Variants in RALGPS2 observed in about 807,000 individuals in gnomAD.
The protein encoded by RALGPS2 is ras-specific guanine nucleotide-releasing factor RalGPS2.
A neutral mutation model predicts 86.8 loss-of-function variants in RALGPS2; 43 were observed. That is an observed-to-expected ratio of 0.50 (90% CI 0.39 to 0.64). RALGPS2 has a LOEUF of 0.64. Among genes scored for constraint, RALGPS2 ranks in the 30% least tolerant of loss-of-function variants. The probability of loss-of-function intolerance (pLI) is 0.00; values close to 1 mark genes in which losing one functional copy is unlikely to be tolerated. For missense variants in RALGPS2, 536 were observed against 694.6 expected, an observed-to-expected ratio of 0.77 and a Z score of 2.57; for synonymous variants, 243 against 231.3, an observed-to-expected ratio of 1.05 and a Z score of -0.46.
chr1:178,869,318 G>C (rs2102347220), intron 8 of RALGPS2: 1 of 152,176 alleles, frequency 6.6e-6, no homozygotes, highest in South Asian at 2.1e-4. Context: ...ACTGAAAACA[G>C]CATGAGGCAA....
intron 15 of RALGPS2, among the ~76,000 whole-genome samples, chr1:178,892,572 G>C (rs1659762824): frequency 6.6e-6 from 1 of 151,990 alleles, no homozygotes; most frequent in Non-Finnish European, 1.5e-5. Context: ...CCTTTAAACT[G>C]CACCAGTCTT....
At chr1:178,755,418 A>G (rs1285386070) in intron 1 of RALGPS2, among the ~76,000 whole-genome samples, 3 of 152,134 alleles carry the variant, frequency 2.0e-5, no homozygotes, top group Non-Finnish European at 4.4e-5. Context: ...GCTCCCACTT[A>G]TAAGTGAGAA....
intron 8 of RALGPS2, among the ~76,000 whole-genome samples, chr1:178,873,946 T>A (rs937608381): frequency 1.3e-5 from 2 of 152,262 alleles, no homozygotes; most frequent in Non-Finnish European, 2.9e-5. Context: ...AGTGGTACGA[T>A]CTCGGCTCAC....
intron 1 of RALGPS2, among the ~76,000 whole-genome samples, chr1:178,736,416 C>G (rs911661953): frequency 6.6e-6 from 1 of 151,992 alleles, no homozygotes; most frequent in African/African-American, 2.4e-5. Context: ...GCCACCTCGG[C>G]CTCCCAAAAG....
intron 11 of RALGPS2, among the ~76,000 whole-genome samples, chr1:178,884,607 C>A (rs190780376): frequency 4.8e-4 from 73 of 152,156 alleles, no homozygotes; most frequent in Admixed American, 1.0e-3. Flanking sequence ...TTATAATATT[C>A]TTTTATTTAT....
rs1653554479 is a variant in RALGPS2 at position 178,784,533 on chromosome 1, T to C, written c.162+11T>C. 6.5e-7 allele frequency: 1 copy of C among 1,548,962 alleles called. No homozygotes were observed. The highest frequency in any genetic ancestry group is 8.8e-7 in the Non-Finnish European group (1 of 1,135,666). ...CCAGAAGAATATGCGGTAAGCCTCC[T>C]ACCTCTGTCTTCTCCGGTTTTGCAC... On this transcript the variant is annotated intron_variant, in intron 3 of 19. Transcript: ENST00000367635.
chr1:178,737,101 G>C (rs1486753708), intron 1 of RALGPS2, among the ~76,000 whole-genome samples: 2 of 151,978 alleles, frequency 1.3e-5, no homozygotes, highest in Admixed American at 1.3e-4. Context: ...ATCTAAAATG[G>C]CTTCAGTTGC....
chr1:178,816,405 T>A (rs1655231367), intron 6 of RALGPS2, among the ~76,000 whole-genome samples: 1 of 152,194 alleles, frequency 6.6e-6, no homozygotes, highest in Non-Finnish European at 1.5e-5. Flanking sequence ...TCCTTTCAAA[T>A]CTTTTACCCA....
intron 1 of RALGPS2, among the ~76,000 whole-genome samples, chr1:178,756,792 C>A (rs1351779112): frequency 2.0e-5 from 3 of 152,038 alleles, no homozygotes; most frequent in African/African-American, 2.4e-5. Context: ...TTACCACAGG[C>A]TATTTGGCCT....
At chr1:178,880,786 G>C (rs1303716826) in intron 10 of RALGPS2, among the ~76,000 whole-genome samples, 1 of 152,138 alleles carries the variant, frequency 6.6e-6, no homozygotes, top group African/African-American at 2.4e-5. Flanking sequence ...ACAGTTTATA[G>C]AGGATGGCAA....
intron 4 of RALGPS2, among the ~76,000 whole-genome samples, chr1:178,787,419 C>T (rs951484413): frequency 2.0e-5 from 3 of 152,148 alleles, no homozygotes; most frequent in Admixed American, 6.6e-5. Flanking sequence ...AAAATATTAT[C>T]GTTTCAACTT....
rs1432679108 is a variant in RALGPS2 at position 178,917,769 on chromosome 1, A to G, written c.*1410A>G. On this transcript the variant is annotated 3_prime_UTR_variant, in exon 20 of 20. Transcript: ENST00000367635. The stretch of plus-strand genomic sequence containing the variant: ...CCTTAGAATTTTAATGAAAAATGAC[A>G]CTCAAACAAAGGCTATATGTCGAAT... 1.3e-5 allele frequency: 2 copies of G among 152,150 alleles called. No homozygotes were observed. Among genetic ancestry groups the G allele is most frequent in the Non-Finnish European group, 2.9e-5 (2 of 68,000 alleles). 9.4% of individuals were successfully genotyped at this position (152,150 alleles called of 1,614,324 possible). A position where few individuals can be genotyped will look rare whatever the true frequency, so the allele number is the denominator to read the frequency against.
chr1:178,733,579 T>C (rs1346247989), intron 1 of RALGPS2, among the ~76,000 whole-genome samples: 2 of 152,244 alleles, frequency 1.3e-5, no homozygotes, highest in Non-Finnish European at 2.9e-5. Context: ...TTGGCAAGAA[T>C]GTAGAGCATT....
Position 178,784,535 on chromosome 1 carries a change from C to T in RALGPS2, c.162+13C>T. 6.5e-7 allele frequency: 1 copy of T among 1,544,334 alleles called. No individual in the cohort carries two copies. Among genetic ancestry groups the T allele is most frequent in the Non-Finnish European group, 8.8e-7 (1 of 1,132,248 alleles). ...AGAAGAATATGCGGTAAGCCTCCTA[C>T]CTCTGTCTTCTCCGGTTTTGCACAT... is the stretch of plus-strand genomic sequence containing the variant. On this transcript the variant is annotated intron_variant, in intron 3 of 19. Coordinates refer to ENST00000367635, the MANE Select transcript of RALGPS2 (RefSeq NM_152663.5).
rs34211444 is a variant in RALGPS2, at chr1:178,891,916, GTT to G, written c.1248-305_1248-304del. 5.3e-5 allele frequency among the ~76,000 whole-genome samples: 8 copies of G among 149,854 alleles called. 1 individual carries two copies. Among genetic ancestry groups the G allele is most frequent in the African/African-American group, 1.9e-4 (8 of 41,050 alleles). On this transcript the variant is annotated intron_variant, in intron 14 of 19. Coordinates refer to ENST00000367635, the MANE Select transcript of RALGPS2 (RefSeq NM_152663.5). Reference sequence around the variant, plus strand: ...TAAGAATTTTTGAAGTATTTTTGAGGTTTTTTTTTTATTATTTGGCTATAAAT... The same window carrying G: ...TAAGAATTTTTGAAGTATTTTTGAGGTTTTTTTTATTATTTGGCTATAAAT...
rs1647254967 is a variant in RALGPS2, at chr1:178,920,397, T to TG, written c.*4038_*4039insG. On this transcript the variant is annotated 3_prime_UTR_variant, in exon 20 of 20. Coordinates refer to ENST00000367635, the MANE Select transcript of RALGPS2 (RefSeq NM_152663.5). ...GTGCCTTATTATTTGAAGAGCAATTTTAGGGCATCAAGTATGACAATAATC... is the reference window on the plus strand; with the variant it reads ...GTGCCTTATTATTTGAAGAGCAATTTGTAGGGCATCAAGTATGACAATAATC... 6.6e-6 allele frequency: 1 copy of TG among 152,016 alleles called. No homozygotes were observed. Among genetic ancestry groups the TG allele is most frequent in the Non-Finnish European group, 1.5e-5 (1 of 67,900 alleles). 9.4% of individuals were successfully genotyped at this position (152,016 alleles called of 1,614,324 possible). A position where few individuals can be genotyped will look rare whatever the true frequency, so the allele number is the denominator to read the frequency against.
intron 4 of RALGPS2, among the ~76,000 whole-genome samples, chr1:178,787,322 A>G (rs1653703352): frequency 6.6e-6 from 1 of 152,178 alleles, no homozygotes; most frequent in Non-Finnish European, 1.5e-5. Flanking sequence ...TAAGCCATTT[A>G]TATAACTTTG....
chr1:178,884,186 A>G (rs1177446321), intron 11 of RALGPS2, among the ~76,000 whole-genome samples: 1 of 152,200 alleles, frequency 6.6e-6, no homozygotes, highest in Non-Finnish European at 1.5e-5. Flanking sequence ...GGGAAAGTCT[A>G]CTAATTTGAA....
intron 2 of RALGPS2, among the ~76,000 whole-genome samples, chr1:178,783,547 G>A (rs1364047651): frequency 6.6e-6 from 1 of 152,050 alleles, no homozygotes; most frequent in Non-Finnish European, 1.5e-5. Context: ...CTAAAAGGGA[G>A]GAAAAGCAAA....
Sources: allele counts gnomAD v4.1 joint callset (sites outside exome capture counted in the v4.1 genomes callset), GRCh38; gene constraint gnomAD v4.1.1; transcripts MANE v1.5; gene names NCBI Gene and HGNC (gene_info 2026-07-23, HGNC 2026-07-21).